Variants in PNISR observed in about 807,000 individuals in gnomAD.
PNISR encodes the protein PNN interacting serine and arginine rich protein.
Under a neutral mutation model 93.4 loss-of-function variants are expected in PNISR, and 20 were observed. The observed-to-expected ratio is 0.21, with a 90% CI of 0.15 to 0.31. The LOEUF (loss-of-function observed/expected upper bound fraction) is 0.31. PNISR is among the 10% of genes least tolerant of loss of function. The probability of loss-of-function intolerance (pLI) is 1.00; values close to 1 mark genes in which losing one functional copy is unlikely to be tolerated. For synonymous variants in PNISR, 305 were observed against 306.5 expected, an observed-to-expected ratio of 0.99 and a Z score of 0.05; for missense variants, 893 against 985.4, an observed-to-expected ratio of 0.91 and a Z score of 1.25.
chr6:99,412,962 ATAAT>A (rs1007777149), intron 3 of PNISR, among the ~76,000 whole-genome samples: 2 of 149,384 alleles, frequency 1.3e-5, no homozygotes, highest in African/African-American at 4.8e-5. Flanking sequence ...AGGCTAAAAA[ATAAT>A]ATAAACTACT....
intron 10 of PNISR, 36 bp from the exon 11 acceptor site, chr6:99,402,746 AATT>A: frequency 6.8e-7 from 1 of 1,466,284 alleles, no homozygotes; most frequent in Non-Finnish European, 9.2e-7. Flanking sequence ...ATATGAAAAA[AATT>A]ATACTATGCA....
At chr6:99,418,890 T>C (rs1778098975) in intron 1 of PNISR, among the ~76,000 whole-genome samples, 1 of 152,140 alleles carries the variant, frequency 6.6e-6, no homozygotes, top group African/African-American at 2.4e-5. Flanking sequence ...GGCTCACGCC[T>C]GTAATCCTAG....
At chr6:99,414,753 C>G (rs1166735507) in intron 2 of PNISR, 63 bp from the exon 3 acceptor site, 2 of 677,930 alleles carry the variant, frequency 3.0e-6, no homozygotes, top group Non-Finnish European at 4.8e-6. Flanking sequence ...AACCTCACAT[C>G]AGAAATTATT....
chr6:99,404,392 T>A (rs1158024068), intron 9 of PNISR: 2 of 554,568 alleles, frequency 3.6e-6, no homozygotes, highest in Non-Finnish European at 6.5e-6. Flanking sequence ...ACAGCATGAT[T>A]GCTAATTTGT....
chr6:99,401,053 C>G lies in PNISR; in HGVS notation c.1905G>C (p.Arg635Ser). ...CATCAATTTTACGCCTATCTCGACTCCTACTGCGACTGGCACGATTGGTTC... is the reference window on the plus strand; with the variant it reads ...CATCAATTTTACGCCTATCTCGACTGCTACTGCGACTGGCACGATTGGTTC... ...DRRTNRASRS[R>S]SRDRRKIDDQ... The change falls in exon 12 of 12, where the codon AGG becomes AGC. Residue 635 changes from arginine (R) to serine (S), a missense_variant. Transcript: ENST00000369239. 1 of 1,613,704 alleles carries G rather than the reference C, an allele frequency of 6.2e-7. No homozygotes were observed. Among genetic ancestry groups the G allele is most frequent in the South Asian group, 1.1e-5 (1 of 91,064 alleles).
chr6:99,413,747 T>A (rs745597292), intron 3 of PNISR, among the ~76,000 whole-genome samples: 12 of 150,492 alleles, frequency 8.0e-5, no homozygotes, highest in African/African-American at 2.9e-4. Context: ...GAATAAGATA[T>A]GTTTTTCTGC....
chr6:99,405,206 T>C (rs1307690861), intron 8 of PNISR, among the ~76,000 whole-genome samples: 2 of 152,180 alleles, frequency 1.3e-5, no homozygotes, highest in African/African-American at 4.8e-5. Context: ...GGCTCACACC[T>C]GTAATCCCAG....
chr6:99,406,798 A>T (rs1022827912), intron 7 of PNISR, among the ~76,000 whole-genome samples: 11 of 152,110 alleles, frequency 7.2e-5, no homozygotes, highest in African/African-American at 2.7e-4. Flanking sequence ...ATTGCATGTG[A>T]CCCTTTCCTT....
In PNISR at chr6:99,401,523, C is replaced by G; in HGVS notation, c.1435G>C (p.Val479Leu). The G allele has an allele frequency of 6.2e-7, 1 of 1,612,964 alleles. No homozygotes were observed. Among genetic ancestry groups the G allele is most frequent in the Non-Finnish European group, 8.5e-7 (1 of 1,179,776 alleles). ...LEAREADGDVVNEKKRTPNET... is the reference protein window; with the variant it reads ...LEAREADGDVLNEKKRTPNET... ...TTTGGAGTTCTCTTCTTTTCATTAA[C>G]CACATCACCGTCTGCTTCTCTTGCT... The change falls in exon 12 of 12, where the codon GTT becomes CTT. Residue 479 changes from valine (V) to leucine (L), a missense_variant. Val to Leu is a conservative substitution (Grantham distance 32). This residue lies in a region of PNISR where 866 missense variants were observed against 935.1 expected (regional missense o/e 0.93). Coordinates refer to ENST00000369239, the MANE Select transcript of PNISR (RefSeq NM_032870.4).
In PNISR at chr6:99,411,159, C is replaced by T. The variant is rs562759366; in HGVS notation, c.278-195G>A. On this transcript the variant is annotated intron_variant, in intron 4 of 11. Coordinates refer to ENST00000369239, the MANE Select transcript of PNISR (RefSeq NM_032870.4). Reference sequence around the variant, plus strand: ...ACTGTCATATATAATTCAAAATGAGCTAACTCCACTCTAATTCATATCCTA... The same window carrying T: ...ACTGTCATATATAATTCAAAATGAGTTAACTCCACTCTAATTCATATCCTA... 2.4e-3 allele frequency among the ~76,000 whole-genome samples: 363 copies of T among 152,252 alleles called. 2 individuals are homozygous for T. Among genetic ancestry groups the T allele is most frequent in the Non-Finnish European group, 4.4e-3 (302 of 68,018 alleles).
intron 11 of PNISR, 93 bp from the exon 12 acceptor site, chr6:99,401,723 A>G (rs1170194138): frequency 1.1e-6 from 1 of 941,836 alleles, no homozygotes; most frequent in Non-Finnish European, 1.5e-6. Flanking sequence ...ACAATAGAAC[A>G]CCATTTTCAA....
At chr6:99,422,153 AC>A (rs1231027657) in intron 1 of PNISR, among the ~76,000 whole-genome samples, 1 of 152,218 alleles carries the variant, frequency 6.6e-6, no homozygotes, top group African/African-American at 2.4e-5. Context: ...GGCATGAGCC[AC>A]CCCGTGTGGC....
chr6:99,410,066 TTC>T (rs1417484628), intron 5 of PNISR: 1 of 152,256 alleles, frequency 6.6e-6, no homozygotes, highest in Non-Finnish European at 1.5e-5. Flanking sequence ...CATGAAATAA[TTC>T]TTTCAAAATT....
intron 1 of PNISR, among the ~76,000 whole-genome samples, chr6:99,421,143 C>T (rs1046555363): frequency 2.0e-5 from 3 of 152,144 alleles, no homozygotes; most frequent in Admixed American, 6.5e-5. Context: ...TGATTAATGA[C>T]GGGCAAGGCT....
chr6:99,423,116 A>C (rs995867681), intron 1 of PNISR, among the ~76,000 whole-genome samples: 2 of 152,078 alleles, frequency 1.3e-5, no homozygotes, highest in Admixed American at 1.3e-4. Flanking sequence ...AGTCTGGGGC[A>C]TGTATACTGC....
At chr6:99,420,441 T>C (rs1248613798) in intron 1 of PNISR, among the ~76,000 whole-genome samples, 1 of 152,246 alleles carries the variant, frequency 6.6e-6, no homozygotes, top group Non-Finnish European at 1.5e-5. Flanking sequence ...AGCACAATGC[T>C]TGATAAGGAG....
At chr6:99,419,890 CT>C (rs67572715) in intron 1 of PNISR, among the ~76,000 whole-genome samples, 155 of 145,930 alleles carry the variant, frequency 1.1e-3, no homozygotes, top group Non-Finnish European at 9.1e-4. Flanking sequence ...TAACTGCATT[CT>C]TTTTTTTTTT....
chr6:99,411,039 G>T, intron 4 of PNISR, 75 bp from the exon 5 acceptor site: 1 of 1,129,012 alleles, frequency 8.9e-7, no homozygotes, highest in Non-Finnish European at 1.3e-6. Flanking sequence ...AAGATCTCAA[G>T]AAAGATTTTT....
At chr6:99,402,323 T>C (rs1410222089) in intron 11 of PNISR, among the ~76,000 whole-genome samples, 1 of 152,214 alleles carries the variant, frequency 6.6e-6, no homozygotes. Flanking sequence ...TCAAGACTTT[T>C]AGCAAGAAAT....
Sources: gnomAD v4.1 joint callset for allele counts (sites outside exome capture counted in the v4.1 genomes callset) on GRCh38, gnomAD v4.1.1 for gene constraint, gnomAD v4.1.1 regional missense constraint, MANE v1.5 for transcripts, NCBI Gene and HGNC (gene_info 2026-07-23, HGNC 2026-07-21) for gene names.